Variants in RIMS1 observed in about 807,000 individuals in gnomAD.
The protein encoded by RIMS1 is regulating synaptic membrane exocytosis 1, also known as regulating synaptic membrane exocytosis protein 1.
Under a neutral mutation model 214.1 loss-of-function variants are expected in RIMS1, and 83 were observed. That is an observed-to-expected ratio of 0.39 (90% CI 0.32 to 0.47). The LOEUF (loss-of-function observed/expected upper bound fraction) is 0.47, where lower values mean the gene tolerates loss of function less well. Ranked by LOEUF, RIMS1 falls within the 20% of genes least tolerant of loss-of-function variation. The probability of loss-of-function intolerance (pLI) is 0.99; values close to 1 mark genes in which losing one functional copy is unlikely to be tolerated. For synonymous variants in RIMS1, 793 were observed against 786.8 expected, an observed-to-expected ratio of 1.01 and a Z score of -0.13; for missense variants, 2,050 against 2,161.8, an observed-to-expected ratio of 0.95 and a Z score of 1.03.
chr6:72,191,342 C>T (rs993761556), intron 6 of RIMS1, among the ~76,000 whole-genome samples: 4 of 152,194 alleles, frequency 2.6e-5, no homozygotes, highest in Non-Finnish European at 5.9e-5. Flanking sequence ...AGCCCCACAC[C>T]ACAGGACCCC....
intron 4 of RIMS1, among the ~76,000 whole-genome samples, chr6:72,147,831 T>A (rs569711277): frequency 3.9e-5 from 6 of 152,288 alleles, no homozygotes; most frequent in African/African-American, 1.4e-4. Context: ...GGTTTTGAAC[T>A]CATAGAGGGG....
chr6:71,888,011 C>T (rs1768357029), intron 1 of RIMS1, among the ~76,000 whole-genome samples: 1 of 152,156 alleles, frequency 6.6e-6, no homozygotes, highest in Non-Finnish European at 1.5e-5. Context: ...AATTTGCACT[C>T]CTCCTCACTT....
At chr6:72,167,667 G>T (rs2046447124) in intron 4 of RIMS1, among the ~76,000 whole-genome samples, 1 of 151,946 alleles carries the variant, frequency 6.6e-6, no homozygotes, top group Non-Finnish European at 1.5e-5. Context: ...GTCAGTTTTG[G>T]TAGTTTGAGT....
At chr6:71,971,507 C>T (rs1795844859) in intron 2 of RIMS1, among the ~76,000 whole-genome samples, 1 of 152,082 alleles carries the variant, frequency 6.6e-6, no homozygotes, top group African/African-American at 2.4e-5. Context: ...TGACTAAGAG[C>T]CACTACCAAG....
At chr6:72,305,259 TATC>T (rs1295964650) in intron 26 of RIMS1, among the ~76,000 whole-genome samples, 2 of 152,046 alleles carry the variant, frequency 1.3e-5, no homozygotes, top group African/African-American at 4.8e-5. Context: ...GGGATATAAT[TATC>T]CGTGTCTAAG....
In RIMS1 at chr6:72,142,409, G is replaced by A. The variant is rs188913117; in HGVS notation, c.472-37166G>A. Among the ~76,000 whole-genome samples the A allele has an allele frequency of 7.2e-5, 11 of 152,016 alleles. No homozygotes were observed. The East Asian group carries it at 7.7e-4, about 11-fold the overall frequency. ...TTCTGACAGAAAGTAGTAGAACATC[G>A]TTTTATGTATTTTAACAGGTTAGAT... is the stretch of plus-strand genomic sequence containing the variant. On this transcript the variant is annotated intron_variant, in intron 4 of 33. Coordinates refer to ENST00000521978, the MANE Select transcript of RIMS1 (RefSeq NM_014989.7).
At chr6:71,941,482 C>T (rs774655934) in intron 1 of RIMS1, among the ~76,000 whole-genome samples, 14 of 152,164 alleles carry the variant, frequency 9.2e-5, no homozygotes, top group Non-Finnish European at 1.6e-4. Flanking sequence ...ACTTGTCCCT[C>T]ATTTTTGATG....
chr6:72,178,837 TA>T (rs1227047219), intron 4 of RIMS1, among the ~76,000 whole-genome samples: 1 of 152,242 alleles, frequency 6.6e-6, no homozygotes, highest in African/African-American at 2.4e-5. Flanking sequence ...CTACATCTTA[TA>T]ATTTATCAGT....
intron 8 of RIMS1, 106 bp downstream of exon 8, chr6:72,235,834 A>T: frequency 2.0e-6 from 1 of 505,222 alleles, no homozygotes; most frequent in Non-Finnish European, 3.3e-6. Context: ...AATATTTTAT[A>T]TAATTTTATT....
intron 29 of RIMS1, among the ~76,000 whole-genome samples, chr6:72,355,190 A>G (rs918442806): frequency 6.6e-6 from 1 of 152,184 alleles, no homozygotes; most frequent in Non-Finnish European, 1.5e-5. Flanking sequence ...GGGACATACA[A>G]CTATCTTCTA....
intron 4 of RIMS1, among the ~76,000 whole-genome samples, chr6:72,178,167 T>C (rs975994162): frequency 2.6e-5 from 4 of 152,228 alleles, no homozygotes; most frequent in Non-Finnish European, 4.4e-5. Flanking sequence ...AAATTTTTTA[T>C]AGCAAGTATT....
chr6:72,211,263 C>T (rs2053761102), intron 6 of RIMS1, among the ~76,000 whole-genome samples: 1 of 152,136 alleles, frequency 6.6e-6, no homozygotes, highest in African/African-American at 2.4e-5. Flanking sequence ...TAGCAGGGCT[C>T]ACACAGCAGA....
chr6:72,030,894 G>A (rs1404684153), intron 2 of RIMS1, among the ~76,000 whole-genome samples: 1 of 152,102 alleles, frequency 6.6e-6, no homozygotes, highest in Non-Finnish European at 1.5e-5. Context: ...TGTTAGGAAA[G>A]ACGGCACACA....
intron 16 of RIMS1, among the ~76,000 whole-genome samples, chr6:72,253,597 A>C (rs983560993): frequency 6.6e-6 from 1 of 152,192 alleles, no homozygotes; most frequent in Non-Finnish European, 1.5e-5. Context: ...CAGTCTTAAA[A>C]TGTATAAATA....
intron 2 of RIMS1, among the ~76,000 whole-genome samples, chr6:72,089,054 G>T (rs1218077002): frequency 1.3e-5 from 2 of 152,058 alleles, no homozygotes; most frequent in African/African-American, 4.8e-5. Context: ...ACAGTGGAAG[G>T]AATTAAGCAA....
At chr6:71,995,618 G>A (rs1399953255) in intron 2 of RIMS1, among the ~76,000 whole-genome samples, 2 of 151,978 alleles carry the variant, frequency 1.3e-5, no homozygotes, top group African/African-American at 4.8e-5. Context: ...CAGTGGCTTA[G>A]ACAACATAAA....
At position 72,401,379 on chromosome 6, in the gene RIMS1, A is replaced by G. The variant is rs1465705878; in HGVS notation, c.*665A>G. On this transcript the variant is annotated 3_prime_UTR_variant, in exon 34 of 34. Transcript: ENST00000521978. ...TAAGGTGAAGCCAAGGAAGGGTTTC[A>G]CTAGCTTTCATTTTATAATTATTTA... The G allele has an allele frequency of 6.6e-6, 1 of 152,612 alleles. No homozygotes were observed. The highest frequency in any genetic ancestry group is 1.9e-4 in the East Asian group (1 of 5,198). 9.5% of individuals were successfully genotyped at this position (152,612 alleles called of 1,614,324 possible). A position where few individuals can be genotyped will look rare whatever the true frequency, so the allele number is the denominator to read the frequency against.
chr6:71,895,862 C>T lies in RIMS1; in HGVS notation c.164+8675C>T, dbSNP rs535753906. 1.1e-3 allele frequency among the ~76,000 whole-genome samples: 173 copies of T among 152,128 alleles called. 1 individual carries two copies. Among genetic ancestry groups the T allele is most frequent in the Non-Finnish European group, 1.3e-3 (91 of 68,000 alleles). On this transcript the variant is annotated intron_variant, in intron 1 of 33. Transcript: ENST00000521978. Reference sequence around the variant, plus strand: ...TCTTTAACTATATGGTAGTATATATCCACATTTAGAGGTTCTATCCAGGTC... The same window carrying T: ...TCTTTAACTATATGGTAGTATATATTCACATTTAGAGGTTCTATCCAGGTC...
chr6:71,925,494 A>C (rs1220783561), intron 1 of RIMS1, among the ~76,000 whole-genome samples: 2 of 152,236 alleles, frequency 1.3e-5, no homozygotes, highest in African/African-American at 4.8e-5. Flanking sequence ...GCTAAAGAGC[A>C]GGTAATTAGG....
Sources: gnomAD v4.1 joint callset for allele counts (sites outside exome capture counted in the v4.1 genomes callset) on GRCh38, gnomAD v4.1.1 for gene constraint, MANE v1.5 for transcripts, NCBI Gene and HGNC (gene_info 2026-07-23, HGNC 2026-07-21) for gene names.